The following EPHA6 variants were observed in gnomAD, a reference collection of about 807,000 sequenced individuals.
EPHA6 encodes the protein ephrin type-A receptor 6.
Under a neutral mutation model 112.0 loss-of-function variants are expected in EPHA6, and 50 were observed. The ratio of observed to expected loss-of-function variants is 0.45; its 90% CI spans 0.36 to 0.56. The LOEUF (loss-of-function observed/expected upper bound fraction) is 0.56. EPHA6 is among the 20% of genes least tolerant of loss of function. EPHA6 has a pLI of 0.00. For synonymous variants in EPHA6, 529 were observed against 490.7 expected (o/e 1.08, Z -1.03); for missense variants, 1,280 against 1,417.4 (o/e 0.90, Z 1.56).
intron 5 of EPHA6, among the ~76,000 whole-genome samples, chr3:97,291,524 A>T (rs1283858606): frequency 6.6e-6 from 1 of 151,950 alleles, no homozygotes. Context: ...TACTACATAG[A>T]GTTTGTTCTT....
intron 11 of EPHA6, among the ~76,000 whole-genome samples, chr3:97,570,915 C>T (rs2093326620): frequency 1.3e-5 from 2 of 152,210 alleles, no homozygotes; most frequent in Admixed American, 1.3e-4. Flanking sequence ...TAATCCCCTT[C>T]CACCAGCACT....
intron 14 of EPHA6, among the ~76,000 whole-genome samples, chr3:97,651,054 TTA>T (rs1280044288): frequency 7.2e-5 from 11 of 152,080 alleles, no homozygotes; most frequent in Non-Finnish European, 1.3e-4. Flanking sequence ...GCAAGAAATT[TTA>T]TGTTTTACAT....
At chr3:97,203,738 T>A (rs928328169) in intron 3 of EPHA6, among the ~76,000 whole-genome samples, 4 of 152,156 alleles carry the variant, frequency 2.6e-5, no homozygotes, top group Non-Finnish European at 5.9e-5. Context: ...GAAATGAGCT[T>A]TATCTTTTGA....
intron 11 of EPHA6, among the ~76,000 whole-genome samples, chr3:97,553,025 C>T (rs747969529): frequency 1.0e-3 from 154 of 152,256 alleles, no homozygotes; most frequent in African/African-American, 1.7e-3. Context: ...AATGCAACTA[C>T]CTCATAATTG....
intron 5 of EPHA6, among the ~76,000 whole-genome samples, chr3:97,347,992 C>G (rs2083617242): frequency 6.6e-6 from 1 of 152,056 alleles, no homozygotes; most frequent in Admixed American, 6.6e-5. Flanking sequence ...AGCAAAACTA[C>G]TGTCCTTTGT....
At chr3:97,534,811 A>G (rs1290313074) in intron 11 of EPHA6, among the ~76,000 whole-genome samples, 1 of 152,076 alleles carries the variant, frequency 6.6e-6, no homozygotes, top group African/African-American at 2.4e-5. Flanking sequence ...TATCTCTGGC[A>G]GGCAAAAGAT....
At chr3:97,378,141 T>C (rs1351433926) in intron 5 of EPHA6, among the ~76,000 whole-genome samples, 1 of 152,122 alleles carries the variant, frequency 6.6e-6, no homozygotes, top group Non-Finnish European at 1.5e-5. Context: ...TTCTGTGTGC[T>C]GTCTAGGGAC....
chr3:97,447,327 T>C (rs560778453), intron 6 of EPHA6, among the ~76,000 whole-genome samples: 2 of 152,106 alleles, frequency 1.3e-5, no homozygotes, highest in South Asian at 4.1e-4. Flanking sequence ...TAACAGTGGT[T>C]TTCAGGCAAA....
At chr3:97,471,286 G>T (rs1220093186) in intron 7 of EPHA6, among the ~76,000 whole-genome samples, 1 of 151,558 alleles carries the variant, frequency 6.6e-6, no homozygotes, top group Admixed American at 6.6e-5. Flanking sequence ...ACTGCCAGAG[G>T]CTGCTTATTC....
chr3:97,335,152 G>A (rs189241978), intron 5 of EPHA6, among the ~76,000 whole-genome samples: 59 of 152,250 alleles, frequency 3.9e-4, no homozygotes, highest in African/African-American at 1.2e-3. Context: ...AGGTCATTAG[G>A]CTTCATGAGA....
intron 2 of EPHA6, among the ~76,000 whole-genome samples, chr3:96,980,080 C>A (rs2042699925): frequency 6.6e-6 from 1 of 152,158 alleles, no homozygotes; most frequent in African/African-American, 2.4e-5. Flanking sequence ...TCAATTTTGG[C>A]TTTTGTGGCC....
At chr3:96,850,587 T>G (rs528309835) in intron 1 of EPHA6, among the ~76,000 whole-genome samples, 1 of 152,272 alleles carries the variant, frequency 6.6e-6, no homozygotes, top group East Asian at 1.9e-4. Flanking sequence ...CATCTTCCAG[T>G]TCACCCATCT....
At position 97,568,528 on chromosome 3, in the gene EPHA6, A is replaced by G. The variant is rs939798174; in HGVS notation, c.2387-24084A>G. 5.9e-5 allele frequency among the ~76,000 whole-genome samples: 9 copies of G among 152,156 alleles called. No homozygotes were observed. In the East Asian group the frequency reaches 1.7e-3, roughly 29 times the overall value. On this transcript the variant is annotated intron_variant, in intron 11 of 17. Transcript: ENST00000389672. ...GCTGTGCCTGCTTCAGTTCTATTAAACCATCTACAGCTCTCAGAGAGCACC... is the reference window on the plus strand; with the variant it reads ...GCTGTGCCTGCTTCAGTTCTATTAAGCCATCTACAGCTCTCAGAGAGCACC...
chr3:97,037,263 T>C (rs912543692), intron 3 of EPHA6, among the ~76,000 whole-genome samples: 16 of 151,512 alleles, frequency 1.1e-4, no homozygotes, highest in Non-Finnish European at 1.5e-5. Context: ...AACATACTTA[T>C]ATACAAATCA....
chr3:97,716,604 G>C (rs1297955623), intron 14 of EPHA6, among the ~76,000 whole-genome samples: 1 of 134,678 alleles, frequency 7.4e-6, no homozygotes, highest in East Asian at 2.1e-4. Flanking sequence ...AAAAAGAAAA[G>C]ACCCAGGTGC....
At chr3:97,383,442 C>A (rs945105272) in intron 5 of EPHA6, among the ~76,000 whole-genome samples, 1 of 151,786 alleles carries the variant, frequency 6.6e-6, no homozygotes, top group Non-Finnish European at 1.5e-5. Flanking sequence ...GAAAACATGC[C>A]CTGAAAACGA....
At chr3:96,830,205 A>C (rs1576079776) in intron 1 of EPHA6, among the ~76,000 whole-genome samples, 1 of 152,114 alleles carries the variant, frequency 6.6e-6, no homozygotes, top group East Asian at 1.9e-4. Flanking sequence ...AGGAATATCA[A>C]TTCTAATTTA....
intron 1 of EPHA6, among the ~76,000 whole-genome samples, chr3:96,827,294 C>G (rs1364326192): frequency 6.6e-6 from 1 of 152,126 alleles, no homozygotes; most frequent in Admixed American, 6.6e-5. Flanking sequence ...ACTGGGATGA[C>G]TCTCCATGTG....
intron 5 of EPHA6, among the ~76,000 whole-genome samples, chr3:97,258,240 G>GTA (rs563790734): frequency 0.069 from 10,253 of 148,176 alleles, 743 homozygotes; most frequent in Admixed American, 0.2. Context: ...TTGTGTATGA[G>GTA]TATATATATA....
Sources: allele counts gnomAD v4.1 joint callset (sites outside exome capture counted in the v4.1 genomes callset), GRCh38; gene constraint gnomAD v4.1.1; transcripts MANE v1.5; gene names NCBI Gene and HGNC (gene_info 2026-07-23, HGNC 2026-07-21).